TULP3: variants seen among roughly 807,000 people sequenced by gnomAD.
The protein encoded by TULP3 is tubby-related protein 3.
In TULP3, 38 loss-of-function variants were observed where a neutral mutation model predicts 50.7. That is an observed-to-expected ratio of 0.75 (90% CI 0.58 to 0.98). The LOEUF is 0.98. Among genes scored for constraint, TULP3 ranks in the 50% least tolerant of loss-of-function variants. The probability of loss-of-function intolerance (pLI) is 0.00; values close to 1 mark genes in which losing one functional copy is unlikely to be tolerated. For missense variants in TULP3, 550 were observed against 568.0 expected (o/e 0.97, Z 0.32); for synonymous variants, 183 against 196.6 (o/e 0.93, Z 0.58).
intron 1 of TULP3, among the ~76,000 whole-genome samples, chr12:2,905,234 G>A (rs901271944): frequency 2.7e-5 from 4 of 147,098 alleles, no homozygotes; most frequent in African/African-American, 1.0e-4. Context: ...TTGCCAGGCT[G>A]GAGTGCAGTG....
rs1471431145 is a variant in TULP3 at position 2,940,324 on chromosome 12, A to T, written c.*880A>T. The T allele has an allele frequency of 2.4e-6, 1 of 418,952 alleles. No individual in the cohort carries two copies. The highest frequency in any genetic ancestry group is 3.3e-6 in the Non-Finnish European group (1 of 303,262). The allele number at this position is 418,952 out of a possible 1,614,324, so 26.0% of individuals were successfully genotyped here. On this transcript the variant is annotated 3_prime_UTR_variant, in exon 11 of 11. Transcript: ENST00000448120. ...AGTATTGACCATTTAGTTTAGTTAAAAAAAAAAAAAAAAAGGTGGCAGGAG... is the reference window on the plus strand; with the variant it reads ...AGTATTGACCATTTAGTTTAGTTAATAAAAAAAAAAAAAAGGTGGCAGGAG...
At chr12:2,899,902 A>C (rs2098178002) in intron 1 of TULP3, among the ~76,000 whole-genome samples, 1 of 132,946 alleles carries the variant, frequency 7.5e-6, no homozygotes, top group Non-Finnish European at 1.5e-5. Flanking sequence ...CAAAAAAAAA[A>C]CAAACAAAAA....
rs2098199356 is a variant in TULP3 at position 2,933,452 on chromosome 12, GC to G, written c.732del (p.Ser244ArgfsTer45). ...FLLAARKRKK[S>X]KTANYLISID... ...CTTGCAGCTAGAAAGCGGAAAAAGA[GC>G]AAAACAGCCAACTACCTTATCTCCA... On this transcript the variant is annotated frameshift_variant, in exon 7 of 11. Transcript: ENST00000448120. LOFTEE classifies it high-confidence loss of function. 1 of 1,613,748 alleles carries G rather than the reference GC, an allele frequency of 6.2e-7. No homozygotes were observed. Among genetic ancestry groups the G allele is most frequent in the Admixed American group, 1.7e-5 (1 of 59,924 alleles).
chr12:2,924,211 T>C (rs1218571551), intron 4 of TULP3, among the ~76,000 whole-genome samples: 4 of 152,124 alleles, frequency 2.6e-5, no homozygotes, highest in Non-Finnish European at 5.9e-5. Flanking sequence ...AAAGTGATAT[T>C]TGAGCTAGTG....
At chr12:2,921,285 G>A (rs1272667078) in intron 3 of TULP3, among the ~76,000 whole-genome samples, 12 of 151,968 alleles carry the variant, frequency 7.9e-5, no homozygotes, top group African/African-American at 2.2e-4. Flanking sequence ...GTTTACAGGC[G>A]CCTGCCACCA....
intron 2 of TULP3, among the ~76,000 whole-genome samples, chr12:2,916,277 C>T (rs547097783): frequency 2.0e-5 from 3 of 152,312 alleles, no homozygotes; most frequent in South Asian, 4.1e-4. Context: ...GCTGGGATTA[C>T]AGGCATGAGC....
At chr12:2,894,305 G>A (rs1451907872) in intron 1 of TULP3, among the ~76,000 whole-genome samples, 1 of 138,730 alleles carries the variant, frequency 7.2e-6, no homozygotes, top group Non-Finnish European at 1.6e-5. Context: ...CGGGGCGGGG[G>A]GGGGGAAATC....
In TULP3 at chr12:2,922,412, G is replaced by C; in HGVS notation, c.394+10G>C. ...CGTCTCCAAAAGCATGGTGAGGACT[G>C]GTAATGATTTTAAGGCAATTTGTCT... On this transcript the variant is annotated intron_variant, in intron 4 of 10. Transcript: ENST00000448120. 2.5e-6 allele frequency: 4 copies of C among 1,600,440 alleles called. No individual in the cohort carries two copies. The highest frequency in any genetic ancestry group is 1.7e-6 in the Non-Finnish European group (2 of 1,176,760).
chr12:2,919,728 G>T (rs1255185392), intron 2 of TULP3, among the ~76,000 whole-genome samples: 4 of 151,808 alleles, frequency 2.6e-5, no homozygotes, highest in African/African-American at 4.8e-5. Flanking sequence ...CTAGTACTAT[G>T]TGCTAGTACC....
chr12:2,930,969 G>C, intron 5 of TULP3, 68 bp from the exon 6 acceptor site: 2 of 1,553,290 alleles, frequency 1.3e-6, no homozygotes, highest in African/African-American at 1.4e-5. Flanking sequence ...TGTCCACTAA[G>C]TGTTTTTCAA....
intron 2 of TULP3, among the ~76,000 whole-genome samples, chr12:2,912,838 T>C (rs933837187): frequency 1.3e-5 from 2 of 152,120 alleles, no homozygotes; most frequent in African/African-American, 4.8e-5. Flanking sequence ...TAAAATATGA[T>C]AGTAGGATTA....
At chr12:2,920,320 G>T (rs2098190911) in intron 2 of TULP3, among the ~76,000 whole-genome samples, 1 of 152,106 alleles carries the variant, frequency 6.6e-6, no homozygotes, top group Non-Finnish European at 1.5e-5. Context: ...GACCAGCCTG[G>T]GCAATGTCGG....
chr12:2,921,862 C>A (rs1373824582), intron 3 of TULP3, among the ~76,000 whole-genome samples: 1 of 152,070 alleles, frequency 6.6e-6, no homozygotes, highest in Non-Finnish European at 1.5e-5. Context: ...AAAGGCAGAT[C>A]ACTTAAGGCC....
chr12:2,934,401 G>GA (rs750665876), intron 7 of TULP3, 46 bp from the exon 8 acceptor site: 49 of 1,322,670 alleles, frequency 3.7e-5, no homozygotes, highest in South Asian at 9.5e-5. Flanking sequence ...GTTTGTATAA[G>GA]AAAAAAAATA....
chr12:2,921,295 A>G (rs1046191917), intron 3 of TULP3, among the ~76,000 whole-genome samples: 3 of 152,194 alleles, frequency 2.0e-5, no homozygotes, highest in Non-Finnish European at 4.4e-5. Flanking sequence ...GCCTGCCACC[A>G]TGCCCGGCTA....
chr12:2,921,023 A>G, intron 3 of TULP3, 101 bp downstream of exon 3: 1 of 1,351,224 alleles, frequency 7.4e-7, no homozygotes, highest in South Asian at 1.3e-5. Flanking sequence ...TATTATTAGC[A>G]CCATTACTAG....
chr12:2,939,313 G>C lies in TULP3; in HGVS notation c.1198G>C (p.Asp400His). 1 of 1,613,864 alleles carries C rather than the reference G, an allele frequency of 6.2e-7. No individual in the cohort carries two copies. The highest frequency in any genetic ancestry group is 8.5e-7 in the Non-Finnish European group (1 of 1,179,958). The change falls in exon 11 of 11, where the codon GAT becomes CAT. Residue 400 changes from aspartate to histidine, a missense_variant and splice_region_variant. Transcript: ENST00000448120. The surrounding 1 kb of genome is among the most constrained non-coding windows in gnomAD (Gnocchi z 4.0). Reference protein sequence around the residue: ...NFQIVHKNDPDYIVMQFGRVA... With the variant: ...NFQIVHKNDPHYIVMQFGRVA... ...TGTTGATTTCTTTCTGTTTCTAGCT[G>C]ATTATATAGTCATGCAGTTTGGACG... is the stretch of plus-strand genomic sequence containing the variant.
intron 1 of TULP3, among the ~76,000 whole-genome samples, chr12:2,894,054 C>T (rs1055590111): frequency 4.6e-5 from 7 of 151,942 alleles, no homozygotes; most frequent in Non-Finnish European, 8.8e-5. Flanking sequence ...CTGGAGATGA[C>T]GGGGGTTGGC....
In TULP3 at chr12:2,940,037, C is replaced by T. The variant is rs755123031; in HGVS notation, c.*593C>T. 1 of 1,288,758 alleles carries T rather than the reference C, an allele frequency of 7.8e-7. No individual in the cohort carries two copies. The highest frequency in any genetic ancestry group is 1.2e-5 in the South Asian group (1 of 80,998). The allele number at this position is 1,288,758 out of a possible 1,614,324, so 79.8% of individuals were successfully genotyped here. A position where few individuals can be genotyped will look rare whatever the true frequency, so the allele number is the denominator to read the frequency against. ...TCCCTCACAGCAGATTGGCCGGCACCAATCTTAGTCAAGAGTGGCTGTGAT... is the reference window on the plus strand; with the variant it reads ...TCCCTCACAGCAGATTGGCCGGCACTAATCTTAGTCAAGAGTGGCTGTGAT... On this transcript the variant is annotated 3_prime_UTR_variant, in exon 11 of 11. Transcript: ENST00000448120.
Sources: gnomAD v4.1 joint callset for allele counts (sites outside exome capture counted in the v4.1 genomes callset) on GRCh38, gnomAD v4.1.1 for gene constraint, Gnocchi (gnomAD v3.1) non-coding constraint, MANE v1.5 for transcripts, NCBI Gene and HGNC (gene_info 2026-07-23, HGNC 2026-07-21) for gene names.